GALNT14: variants seen among roughly 807,000 people sequenced by gnomAD.
GALNT14 encodes UDP-GalNAc:polypeptide N-acetylgalactosaminyltransferase 14.
Under a neutral mutation model 77.5 loss-of-function variants are expected in GALNT14, and 60 were observed. That is an observed-to-expected ratio of 0.77 (90% CI 0.63 to 0.96). The LOEUF is 0.96. Ranked by LOEUF, GALNT14 falls within the 40% of genes least tolerant of loss-of-function variation. The pLI, the probability that GALNT14 is intolerant of heterozygous loss-of-function variation, is 0.00. For missense variants in GALNT14, 710 were observed against 731.0 expected (o/e 0.97, Z 0.33); for synonymous variants, 280 against 281.7 (o/e 0.99, Z 0.06).
intron 1 of GALNT14, among the ~76,000 whole-genome samples, chr2:31,047,582 T>C (rs985596051): frequency 1.1e-4 from 17 of 152,188 alleles, no homozygotes; most frequent in African/African-American, 4.1e-4. Context: ...AGGCATTCCC[T>C]AGTCTCCCTT....
intron 9 of GALNT14, among the ~76,000 whole-genome samples, chr2:30,935,915 C>CA (rs1666029118): frequency 6.6e-6 from 1 of 152,134 alleles, no homozygotes; most frequent in Non-Finnish European, 1.5e-5. Flanking sequence ...TTCGAGGCTG[C>CA]AGCACCTGCA....
chr2:31,110,766 T>C (rs909975166), intron 1 of GALNT14, among the ~76,000 whole-genome samples: 1 of 152,198 alleles, frequency 6.6e-6, no homozygotes, highest in African/African-American at 2.4e-5. Flanking sequence ...GTAAAGCTGA[T>C]TGGTCTTTTT....
chr2:31,099,335 T>C (rs1573347147), intron 1 of GALNT14, among the ~76,000 whole-genome samples: 1 of 141,466 alleles, frequency 7.1e-6, no homozygotes, highest in East Asian at 1.9e-4. Flanking sequence ...TGGAACTCTT[T>C]ATTTAAGTTG....
At chr2:30,962,466 T>C (rs771113624) in intron 3 of GALNT14, among the ~76,000 whole-genome samples, 1 of 152,206 alleles carries the variant, frequency 6.6e-6, no homozygotes, top group Non-Finnish European at 1.5e-5. Flanking sequence ...AGAGCCCCCA[T>C]GGGAGGGGTG....
At chr2:31,034,553 G>GTT (rs201405928) in intron 1 of GALNT14, among the ~76,000 whole-genome samples, 113 of 149,210 alleles carry the variant, frequency 7.6e-4, no homozygotes, top group African/African-American at 2.7e-3. Flanking sequence ...TTTTCTAGTT[G>GTT]TTTTGTTTTT....
intron 9 of GALNT14, among the ~76,000 whole-genome samples, chr2:30,941,787 C>A (rs907558371): frequency 4.6e-5 from 7 of 152,172 alleles, no homozygotes; most frequent in Admixed American, 3.3e-4. Flanking sequence ...CACTGCTGTT[C>A]CTGTTCCTCA....
At chr2:31,083,087 G>A (rs1409019201) in intron 1 of GALNT14, among the ~76,000 whole-genome samples, 1 of 152,128 alleles carries the variant, frequency 6.6e-6, no homozygotes, top group Non-Finnish European at 1.5e-5. Context: ...GCCTGCTAGG[G>A]TATTCAGTGG....
At position 30,990,517 on chromosome 2, in the gene GALNT14, A is replaced by G. The variant is rs146907063; in HGVS notation, c.299+2321T>C. Reference sequence around the variant, plus strand: ...CCTATAGACGGAAGGGCCCAGTTGAAAGAAGAAAACAGGGCTTTGCTGGCA... The same window carrying G: ...CCTATAGACGGAAGGGCCCAGTTGAGAGAAGAAAACAGGGCTTTGCTGGCA... On this transcript the variant is annotated intron_variant, in intron 2 of 14. Transcript: ENST00000349752. 1.9e-3 allele frequency among the ~76,000 whole-genome samples: 293 copies of G among 152,344 alleles called. 1 individual carries two copies. Among genetic ancestry groups the G allele is most frequent in the African/African-American group, 6.4e-3 (266 of 41,584 alleles).
intron 2 of GALNT14, among the ~76,000 whole-genome samples, chr2:30,984,743 C>T (rs74453862): frequency 1.3e-3 from 195 of 152,320 alleles, no homozygotes; most frequent in African/African-American, 4.4e-3. Flanking sequence ...CTGCAGCCCA[C>T]GCCATCTCCT....
intron 1 of GALNT14, among the ~76,000 whole-genome samples, chr2:31,122,770 A>G (rs774027304): frequency 2.6e-5 from 4 of 152,188 alleles, no homozygotes; most frequent in Non-Finnish European, 5.9e-5. Flanking sequence ...ATTATTTTCT[A>G]TTTTTATTGT....
At chr2:30,911,568 G>A (rs1664363472) in intron 14 of GALNT14, among the ~76,000 whole-genome samples, 1 of 152,198 alleles carries the variant, frequency 6.6e-6, no homozygotes, top group Admixed American at 6.5e-5. Context: ...ATCAGGGGAA[G>A]CACCCCGGAG....
At chr2:30,953,657 T>C (rs1667178229) in intron 6 of GALNT14, among the ~76,000 whole-genome samples, 1 of 152,178 alleles carries the variant, frequency 6.6e-6, no homozygotes, top group Non-Finnish European at 1.5e-5. Flanking sequence ...TGCTGTCACT[T>C]ATACTGTGCT....
chr2:31,006,629 C>A (rs1670689663), intron 1 of GALNT14, among the ~76,000 whole-genome samples: 1 of 152,172 alleles, frequency 6.6e-6, no homozygotes, highest in African/African-American at 2.4e-5. Context: ...AAAACCAGTG[C>A]CTGTCTGGAG....
chr2:31,112,571 C>T (rs762683059), intron 1 of GALNT14, among the ~76,000 whole-genome samples: 9 of 152,192 alleles, frequency 5.9e-5, no homozygotes, highest in Non-Finnish European at 1.2e-4. Context: ...AAGAAAAAGG[C>T]CAACATCCAT....
intron 1 of GALNT14, among the ~76,000 whole-genome samples, chr2:31,091,500 C>T (rs928666123): frequency 6.6e-6 from 1 of 152,184 alleles, no homozygotes; most frequent in African/African-American, 2.4e-5. Flanking sequence ...TGCCCCAAGG[C>T]CACTCCTGTG....
At chr2:31,055,054 T>C (rs1194866961) in intron 1 of GALNT14, among the ~76,000 whole-genome samples, 1 of 152,180 alleles carries the variant, frequency 6.6e-6, no homozygotes, top group Non-Finnish European at 1.5e-5. Flanking sequence ...TTAAACCATC[T>C]GAACAAAGGA....
downstream of GALNT14, among the ~76,000 whole-genome samples, chr2:30,908,227 A>G (rs1156278525): frequency 6.6e-6 from 1 of 151,722 alleles, no homozygotes; most frequent in Admixed American, 6.6e-5. Flanking sequence ...CAGGCAGGAG[A>G]AGGAAATAAA....
intron 1 of GALNT14, among the ~76,000 whole-genome samples, chr2:31,118,591 A>G (rs969690677): frequency 2.0e-5 from 3 of 152,210 alleles, no homozygotes; most frequent in Non-Finnish European, 4.4e-5. Context: ...GTGATATAGA[A>G]TATCTAATAA....
chr2:31,106,867 G>C (rs1677584350), intron 1 of GALNT14, among the ~76,000 whole-genome samples: 1 of 151,976 alleles, frequency 6.6e-6, no homozygotes, highest in African/African-American at 2.4e-5. Flanking sequence ...TCATTTCTTT[G>C]CAGGAAGTTC....
Sources: gnomAD v4.1 joint callset for allele counts (sites outside exome capture counted in the v4.1 genomes callset) on GRCh38, gnomAD v4.1.1 for gene constraint, MANE v1.5 for transcripts, NCBI Gene and HGNC (gene_info 2026-07-23, HGNC 2026-07-21) for gene names.